Variants in TMCO4 observed in about 807,000 individuals in gnomAD.
TMCO4 encodes the protein transmembrane and coiled-coil domain-containing protein 4.
A neutral mutation model predicts 64.7 loss-of-function variants in TMCO4; 58 were observed. The observed-to-expected ratio is 0.90, with a 90% CI of 0.73 to 1.12. TMCO4 has a LOEUF of 1.12. Among genes scored for constraint, TMCO4 ranks in the 50% most tolerant of loss-of-function variants. The pLI, the probability that TMCO4 is intolerant of heterozygous loss-of-function variation, is 0.00. For missense variants in TMCO4, 780 were observed against 825.9 expected, an observed-to-expected ratio of 0.94 and a Z score of 0.68; for synonymous variants, 325 against 346.1, an observed-to-expected ratio of 0.94 and a Z score of 0.68.
chr1:19,770,606 G>A (rs2101020921), intron 5 of TMCO4, 37 bp from the exon 6 acceptor site: 1 of 1,606,354 alleles, frequency 6.2e-7, no homozygotes, highest in Admixed American at 1.7e-5. Context: ...TGACAAAGCT[G>A]ATATACGATA....
chr1:19,736,968 T>C (rs1452860816), intron 13 of TMCO4, among the ~76,000 whole-genome samples: 1 of 152,176 alleles, frequency 6.6e-6, no homozygotes, highest in Non-Finnish European at 1.5e-5. Context: ...ATGACATGTC[T>C]ACAAGCCAAG....
Position 19,700,974 on chromosome 1 carries a change from T to A in TMCO4, c.1265-89A>T, listed in dbSNP as rs560610919. On this transcript the variant is annotated intron_variant, in intron 13 of 15. Coordinates refer to ENST00000294543, the MANE Select transcript of TMCO4 (RefSeq NM_181719.7). ...CCAACAGCAGTGGAGGAGATGAATG[T>A]CACACACATACACATGCACACACGT... The A allele has an allele frequency of 1.2e-5, 12 of 1,002,926 alleles. No individual in the cohort carries two copies. The African/African-American group carries it at 1.7e-4, about 15-fold the overall frequency. The allele number at this position is 1,002,926 out of a possible 1,614,324, so 62.1% of individuals were successfully genotyped here. A position where few individuals can be genotyped will look rare whatever the true frequency, so the allele number is the denominator to read the frequency against.
intron 7 of TMCO4, among the ~76,000 whole-genome samples, chr1:19,751,690 T>A: frequency 6.6e-6 from 1 of 152,208 alleles, no homozygotes; most frequent in East Asian, 1.9e-4. Flanking sequence ...GCTAAGGCAC[T>A]CTCTCCTAAC....
chr1:19,717,225 A>G (rs2095360878), intron 13 of TMCO4, among the ~76,000 whole-genome samples: 2 of 152,186 alleles, frequency 1.3e-5, no homozygotes, highest in African/African-American at 4.8e-5. Context: ...AATTTTTAAA[A>G]AGAGGAATCC....
chr1:19,701,460 C>T (rs7544074), intron 13 of TMCO4, among the ~76,000 whole-genome samples: 54,997 of 152,086 alleles, frequency 0.36, 10,569 homozygotes, highest in South Asian at 0.43. Context: ...GCGTGAGCCA[C>T]CGCAGCCAGT....
chr1:19,688,142 C>T (rs1354799075), intron 15 of TMCO4, among the ~76,000 whole-genome samples: 2 of 152,166 alleles, frequency 1.3e-5, no homozygotes, highest in African/African-American at 2.4e-5. Context: ...AGAAGCCTTC[C>T]GTGGCTTCCC....
intron 6 of TMCO4, among the ~76,000 whole-genome samples, chr1:19,758,912 C>T (rs550701346): frequency 1.3e-5 from 2 of 152,038 alleles, no homozygotes; most frequent in East Asian, 3.9e-4. Flanking sequence ...ACCAGCATGG[C>T]CAACATGGTG....
rs112686438 is a variant in TMCO4 at position 19,751,745 on chromosome 1, T to C, written c.515+3889A>G. ...CTATTTCCCTGTTTAAGTATTTGCA[T>C]GTTCTTAATAATTGTTTTGGGGGCC... On this transcript the variant is annotated intron_variant, in intron 7 of 15. Coordinates refer to ENST00000294543, the MANE Select transcript of TMCO4 (RefSeq NM_181719.7). Among the ~76,000 whole-genome samples the C allele has an allele frequency of 8.5e-5, 13 of 152,324 alleles. 1 individual carries two copies. Among genetic ancestry groups the C allele is most frequent in the African/African-American group, 2.6e-4 (11 of 41,590 alleles).
At chr1:19,703,638 C>T (rs553351634) in intron 13 of TMCO4, among the ~76,000 whole-genome samples, 1 of 151,732 alleles carries the variant, frequency 6.6e-6, no homozygotes, top group Non-Finnish European at 1.5e-5. Flanking sequence ...AATTCCACCC[C>T]CCAGGTTCAA....
At chr1:19,772,306 G>A (rs567858345) in intron 4 of TMCO4, among the ~76,000 whole-genome samples, 4 of 152,190 alleles carry the variant, frequency 2.6e-5, no homozygotes, top group Non-Finnish European at 5.9e-5. Flanking sequence ...TGCCAAGGAC[G>A]TGCTTTCTGG....
intron 13 of TMCO4, among the ~76,000 whole-genome samples, chr1:19,714,741 G>A (rs2095347495): frequency 2.0e-5 from 3 of 152,042 alleles, no homozygotes; most frequent in Admixed American, 2.0e-4. Context: ...TGACCAACAT[G>A]GTGAAACCCC....
intron 6 of TMCO4, among the ~76,000 whole-genome samples, chr1:19,766,023 C>T (rs544084240): frequency 3.0e-4 from 46 of 152,044 alleles, no homozygotes; most frequent in Non-Finnish European, 2.5e-4. Flanking sequence ...TTCTATTGCT[C>T]TCGCCCTCCT....
At chr1:19,792,789 C>T (rs75096978) in intron 2 of TMCO4, among the ~76,000 whole-genome samples, 3,954 of 18,152 alleles carry the variant, frequency 0.22, 210 homozygotes, top group African/African-American at 0.36. Flanking sequence ...TTTTTTTTTT[C>T]AGACAAAGTC....
At chr1:19,781,792 G>A (rs950340322) in intron 3 of TMCO4, among the ~76,000 whole-genome samples, 30 of 152,216 alleles carry the variant, frequency 2.0e-4, no homozygotes, top group African/African-American at 6.3e-4. Flanking sequence ...GACTACAGGC[G>A]CCCACTACCA....
intron 4 of TMCO4, among the ~76,000 whole-genome samples, chr1:19,776,856 G>A (rs543404107): frequency 2.0e-5 from 3 of 151,984 alleles, no homozygotes; most frequent in South Asian, 2.1e-4. Flanking sequence ...GTGAAACCCC[G>A]TCTGTACTAA....
intron 13 of TMCO4, among the ~76,000 whole-genome samples, chr1:19,722,816 G>A (rs1308800679): frequency 6.6e-6 from 1 of 152,158 alleles, no homozygotes; most frequent in African/African-American, 2.4e-5. Flanking sequence ...CCTGGGGCAA[G>A]GGGGCTGGGG....
intron 9 of TMCO4, among the ~76,000 whole-genome samples, chr1:19,746,200 T>G (rs1182895541): frequency 1.3e-5 from 2 of 152,164 alleles, no homozygotes; most frequent in African/African-American, 4.8e-5. Context: ...AACTTCTGGA[T>G]GGTGGAAGCA....
At chr1:19,785,167 C>T (rs2043675793) in intron 3 of TMCO4, among the ~76,000 whole-genome samples, 1 of 152,172 alleles carries the variant, frequency 6.6e-6, no homozygotes, top group African/African-American at 2.4e-5. Context: ...GGCCTCAGCC[C>T]AGATGTCACC....
intron 2 of TMCO4, among the ~76,000 whole-genome samples, chr1:19,792,587 G>A (rs899248584): frequency 2.0e-5 from 3 of 152,014 alleles, no homozygotes; most frequent in Non-Finnish European, 4.4e-5. Flanking sequence ...TTAGCACCAA[G>A]GAGAAAATCA....
Sources: allele counts gnomAD v4.1 joint callset (sites outside exome capture counted in the v4.1 genomes callset), GRCh38; gene constraint gnomAD v4.1.1; transcripts MANE v1.5; gene names NCBI Gene and HGNC (gene_info 2026-07-23, HGNC 2026-07-21).